CCSER1: variants seen among roughly 807,000 people sequenced by gnomAD.
The protein encoded by CCSER1 is serine-rich coiled-coil domain-containing protein 1.
Under a neutral mutation model 82.0 loss-of-function variants are expected in CCSER1, and 41 were observed. The ratio of observed to expected loss-of-function variants is 0.50; its 90% confidence interval spans 0.39 to 0.65. CCSER1 has a LOEUF of 0.65. Among genes scored for constraint, CCSER1 ranks in the 30% least tolerant of loss-of-function variants. The pLI is 0.00. For synonymous variants in CCSER1, 414 were observed against 383.9 expected, an observed-to-expected ratio of 1.08 and a Z score of -0.92; for missense variants, 1,119 against 1,064.2, an observed-to-expected ratio of 1.05 and a Z score of -0.72.
chr4:91,080,908 ATAAT>A (rs1484444549), intron 9 of CCSER1, among the ~76,000 whole-genome samples: 33 of 152,308 alleles, frequency 2.2e-4, no homozygotes, highest in African/African-American at 7.2e-4. Flanking sequence ...AATTGAGGTA[ATAAT>A]TAATAGCCTA....
chr4:90,150,116 A>T (rs529432236), intron 1 of CCSER1, among the ~76,000 whole-genome samples: 1 of 152,166 alleles, frequency 6.6e-6, no homozygotes, highest in Non-Finnish European at 1.5e-5. Context: ...TATTCGTGCA[A>T]TGAAAAACCC....
chr4:90,829,536 T>C (rs990503704), intron 8 of CCSER1, among the ~76,000 whole-genome samples: 5 of 152,186 alleles, frequency 3.3e-5, no homozygotes, highest in Non-Finnish European at 5.9e-5. Context: ...AACAGCAGCC[T>C]GTCTGTATGG....
At chr4:90,756,866 A>G (rs1749612237) in intron 7 of CCSER1, among the ~76,000 whole-genome samples, 1 of 152,202 alleles carries the variant, frequency 6.6e-6, no homozygotes, top group Non-Finnish European at 1.5e-5. Flanking sequence ...ACTTCTTGAA[A>G]GTATAGCAGA....
intron 5 of CCSER1, among the ~76,000 whole-genome samples, chr4:90,576,552 C>T (rs1166578062): frequency 6.6e-6 from 1 of 152,190 alleles, no homozygotes; most frequent in African/African-American, 2.4e-5. Flanking sequence ...CCCCTAACAA[C>T]CACTGATGCT....
chr4:90,196,742 C>T (rs1304261699), intron 1 of CCSER1, among the ~76,000 whole-genome samples: 2 of 150,916 alleles, frequency 1.3e-5, no homozygotes, highest in Admixed American at 6.6e-5. Context: ...GTATATGAAG[C>T]ATTAGAGTTT....
chr4:91,599,096 T>C lies in CCSER1; in HGVS notation c.*39T>C. 1 of 1,480,294 alleles carries C rather than the reference T, an allele frequency of 6.8e-7. No individual in the cohort carries two copies. Among genetic ancestry groups the C allele is most frequent in the Non-Finnish European group, 9.0e-7 (1 of 1,110,430 alleles). The allele number at this position is 1,480,294 out of a possible 1,614,324, so 91.7% of individuals were successfully genotyped here. Reference sequence around the variant, plus strand: ...TTCCTGTCTTTGGGTAGGATAAAGATGGTTAGTGTTTCTCGTGCATAGTTC... The same window carrying C: ...TTCCTGTCTTTGGGTAGGATAAAGACGGTTAGTGTTTCTCGTGCATAGTTC... On this transcript the variant is annotated 3_prime_UTR_variant, in exon 11 of 11. Coordinates refer to ENST00000509176, the MANE Select transcript of CCSER1 (RefSeq NM_001145065.2).
intron 6 of CCSER1, among the ~76,000 whole-genome samples, chr4:90,690,373 T>C (rs182300523): frequency 6.6e-6 from 1 of 152,188 alleles, no homozygotes; most frequent in Non-Finnish European, 1.5e-5. Context: ...GGTTTGATTA[T>C]CATTTTTTCT....
intron 9 of CCSER1, among the ~76,000 whole-genome samples, chr4:91,028,520 ATC>A (rs879867491): frequency 7.2e-5 from 11 of 152,046 alleles, no homozygotes; most frequent in African/African-American, 2.2e-4. Context: ...TAATTTTATT[ATC>A]TGTGGACATT....
chr4:91,171,442 G>A (rs1179770366), intron 10 of CCSER1, among the ~76,000 whole-genome samples: 1 of 152,164 alleles, frequency 6.6e-6, no homozygotes, highest in Admixed American at 6.5e-5. Flanking sequence ...ACTTGGCTGA[G>A]TCACAAAGTA....
rs146018648 is a variant in CCSER1, at chr4:90,840,774, A to G, written c.2094+24929A>G. ...TACTCTTTTTTTTTTTAATAGTTATAACCTTGTATGCAAGTCACTGTGAAT... is the reference window on the plus strand; with the variant it reads ...TACTCTTTTTTTTTTTAATAGTTATGACCTTGTATGCAAGTCACTGTGAAT... On this transcript the variant is annotated intron_variant, in intron 8 of 10. Coordinates refer to ENST00000509176, the MANE Select transcript of CCSER1 (RefSeq NM_001145065.2). Among the ~76,000 whole-genome samples the G allele has an allele frequency of 3.6e-4, 55 of 152,218 alleles. No homozygotes were observed. In the East Asian group the frequency reaches 6.6e-3, roughly 18 times the overall value.
chr4:91,458,594 T>C (rs768874558), intron 10 of CCSER1, among the ~76,000 whole-genome samples: 1 of 152,172 alleles, frequency 6.6e-6, no homozygotes, highest in Non-Finnish European at 1.5e-5. Flanking sequence ...GTACTGAATC[T>C]GTAGATCACT....
chr4:90,607,782 T>C (rs955850475), intron 5 of CCSER1, among the ~76,000 whole-genome samples: 5 of 152,198 alleles, frequency 3.3e-5, no homozygotes, highest in Admixed American at 3.3e-4. Flanking sequence ...ATTCAACCCA[T>C]ACAGAGGGTA....
intron 8 of CCSER1, among the ~76,000 whole-genome samples, chr4:90,834,538 T>C (rs1358383989): frequency 6.6e-6 from 1 of 152,218 alleles, no homozygotes; most frequent in Non-Finnish European, 1.5e-5. Flanking sequence ...TTATCACTGA[T>C]ACAAATTAAG....
chr4:90,792,765 G>C (rs1026640801), intron 7 of CCSER1, among the ~76,000 whole-genome samples: 3 of 152,232 alleles, frequency 2.0e-5, no homozygotes, highest in Non-Finnish European at 4.4e-5. Flanking sequence ...GTGCCAGGCA[G>C]GCAAGGTGGG....
At chr4:90,378,188 A>G (rs1578183473) in intron 3 of CCSER1, among the ~76,000 whole-genome samples, 2 of 152,164 alleles carry the variant, frequency 1.3e-5, no homozygotes, top group South Asian at 4.1e-4. Context: ...GCCTTCAGTA[A>G]TCTCAGTGCT....
chr4:91,559,906 G>T (rs2048867), intron 10 of CCSER1, among the ~76,000 whole-genome samples: 81,739 of 150,946 alleles, frequency 0.54, 22,350 homozygotes, highest in East Asian at 0.61. Flanking sequence ...ATTGGTAAAT[G>T]TAATGAAAAA....
intron 10 of CCSER1, among the ~76,000 whole-genome samples, chr4:91,276,817 G>C (rs1246636865): frequency 6.6e-6 from 1 of 151,956 alleles, no homozygotes; most frequent in East Asian, 1.9e-4. Flanking sequence ...CTTAAGGTAT[G>C]TTCCTTTTAT....
chr4:91,506,386 TTTTG>T (rs1173149621), intron 10 of CCSER1, among the ~76,000 whole-genome samples: 1 of 152,156 alleles, frequency 6.6e-6, no homozygotes, highest in Non-Finnish European at 1.5e-5. Context: ...AGCTTTGTTT[TTTTG>T]TTTGTTTGTT....
intron 4 of CCSER1, among the ~76,000 whole-genome samples, chr4:90,435,562 G>T (rs533726307): frequency 6.6e-6 from 1 of 152,024 alleles, no homozygotes; most frequent in Non-Finnish European, 1.5e-5. Context: ...TAATATTCTC[G>T]TAACTTACCA....
Sources: gnomAD v4.1 joint callset for allele counts (sites outside exome capture counted in the v4.1 genomes callset) on GRCh38, gnomAD v4.1.1 for gene constraint, MANE v1.5 for transcripts, NCBI Gene and HGNC (gene_info 2026-07-23, HGNC 2026-07-21) for gene names.